SASH1: variants seen among roughly 807,000 people sequenced by gnomAD.
SASH1 encodes the protein SAM and SH3 domain containing 1.
A neutral mutation model predicts 125.2 loss-of-function variants in SASH1; 44 were observed. That is an observed-to-expected ratio of 0.35 (90% CI 0.28 to 0.45). The LOEUF (loss-of-function observed/expected upper bound fraction) is 0.45, where lower values mean the gene tolerates loss of function less well. Ranked by LOEUF, SASH1 falls within the 20% of genes least tolerant of loss-of-function variation. SASH1 has a pLI of 1.00. For synonymous variants in SASH1, 639 were observed against 649.1 expected, an observed-to-expected ratio of 0.98 and a Z score of 0.24; for missense variants, 1,426 against 1,614.5, an observed-to-expected ratio of 0.88 and a Z score of 2.00.
intron 16 of SASH1, among the ~76,000 whole-genome samples, chr6:148,535,236 C>T (rs570418214): frequency 3.3e-5 from 5 of 152,318 alleles, no homozygotes; most frequent in East Asian, 3.9e-4. Context: ...GCCACCTTTC[C>T]GGGCATGTTT....
intron 7 of SASH1, among the ~76,000 whole-genome samples, chr6:148,486,335 G>A (rs1043037665): frequency 2.0e-5 from 3 of 152,094 alleles, no homozygotes; most frequent in Non-Finnish European, 4.4e-5. Context: ...TGGCCAGGCT[G>A]GTCTCGAACT....
chr6:148,394,738 GGGTT>G (rs1783877016), intron 2 of SASH1, among the ~76,000 whole-genome samples: 15 of 152,186 alleles, frequency 9.9e-5, no homozygotes, highest in African/African-American at 3.1e-4. Flanking sequence ...TCTGCCTCCT[GGGTT>G]CAAGCGATTC....
chr6:148,323,203 T>G (rs1780699654), intron 1 of SASH1, among the ~76,000 whole-genome samples: 1 of 151,966 alleles, frequency 6.6e-6, no homozygotes, highest in Non-Finnish European at 1.5e-5. Flanking sequence ...AGAGGTGGAG[T>G]TTCGCCGCAT....
chr6:148,481,646 A>G (rs921216865), intron 7 of SASH1, among the ~76,000 whole-genome samples: 1 of 152,138 alleles, frequency 6.6e-6, no homozygotes, highest in African/African-American at 2.4e-5. Flanking sequence ...GAGAGATGGG[A>G]GAATGGCCGG....
chr6:148,525,478 C>T, intron 11 of SASH1, 113 bp downstream of exon 11: 2 of 879,670 alleles, frequency 2.3e-6, no homozygotes, highest in South Asian at 2.9e-5. Context: ...CCTTGGTAAT[C>T]CTGAGTCACG....
At chr6:148,225,100 T>C in the SASH1 span, among the ~76,000 whole-genome samples, 1 of 152,156 alleles carries the variant, frequency 6.6e-6, no homozygotes, top group South Asian at 2.1e-4. Context: ...GAGGAGCCCC[T>C]GGTTATGGGT....
chr6:148,385,371 CTGAAG>C (rs1413531562), intron 1 of SASH1, among the ~76,000 whole-genome samples: 1 of 152,186 alleles, frequency 6.6e-6, no homozygotes, highest in African/African-American at 2.4e-5. Context: ...AAAAACAGAA[CTGAAG>C]TGAAGAGTTG....
At chr6:148,206,472 C>T in the SASH1 span, among the ~76,000 whole-genome samples, 1 of 152,120 alleles carries the variant, frequency 6.6e-6, no homozygotes, top group South Asian at 2.1e-4. Flanking sequence ...ATATAACTTG[C>T]CATAAATAGA....
intron 2 of SASH1, among the ~76,000 whole-genome samples, chr6:148,413,779 C>G (rs62432286): frequency 0.041 from 6,305 of 152,228 alleles, 209 homozygotes; most frequent in South Asian, 0.17. Context: ...TCTCCCCTTA[C>G]CCCTCTCCCA....
chr6:148,542,851 AGTGTGTGTGTGTGT>A (rs56094441), intron 17 of SASH1, among the ~76,000 whole-genome samples: 1 of 149,276 alleles, frequency 6.7e-6, no homozygotes, highest in African/African-American at 2.5e-5. Flanking sequence ...AACAAGGGAC[AGTGTGTGTGTGTGT>A]GTGTGTGTGT....
chr6:148,496,959 A>C (rs1779340472), intron 8 of SASH1, among the ~76,000 whole-genome samples: 1 of 152,164 alleles, frequency 6.6e-6, no homozygotes, highest in African/African-American at 2.4e-5. Context: ...TGAGACCTTC[A>C]TATGATTATT....
Position 148,490,269 on chromosome 6 carries a change from C to T in SASH1, c.729+2554C>T, listed in dbSNP as rs534578667. 6.1e-4 allele frequency among the ~76,000 whole-genome samples: 93 copies of T among 151,610 alleles called. No homozygotes were observed. In the South Asian group the frequency reaches 0.013, roughly 21 times the overall value. On this transcript the variant is annotated intron_variant, in intron 8 of 19. Coordinates refer to ENST00000367467, the MANE Select transcript of SASH1 (RefSeq NM_015278.5). ...TGTCACCCAGGCTGGAGTACAGTGGCGCGATCTCAGCTCACTGCAACCTCC... is the reference window on the plus strand; with the variant it reads ...TGTCACCCAGGCTGGAGTACAGTGGTGCGATCTCAGCTCACTGCAACCTCC...
intron 16 of SASH1, among the ~76,000 whole-genome samples, chr6:148,537,836 G>GTGTGTGTGTGT (rs1174142522): frequency 1.4e-5 from 2 of 146,716 alleles, no homozygotes; most frequent in East Asian, 2.1e-4. Context: ...GTGTGTGGTT[G>GTGTGTGTGTGT]GTGAGGCTGG....
Position 148,532,875 on chromosome 6 carries a change from A to G in SASH1, c.1643A>G (p.Glu548Gly). Residue 548 changes from glutamate (E) to glycine (G), a missense_variant, in exon 14 of 20, where the codon GAG (glutamate) becomes GGG (glycine). This residue lies in a region of SASH1 where 225 missense variants were observed against 344.5 expected (regional missense o/e 0.65). Transcript: ENST00000367467. This position sits in a 1 kb window ranked among gnomAD's most constrained non-coding sequence, Gnocchi z 4.7. ...SVKSEDGDDE[E>G]PPYRGPFCGR... ...AAGTCGGAAGATGGGGATGACGAAG[A>G]GCCGCCTTACCGAGGCCCGTTCTGC... 6.2e-7 allele frequency: 1 copy of G among 1,614,220 alleles called. No individual in the cohort carries two copies. The highest frequency in any genetic ancestry group is 1.6e-4 in the Middle Eastern group (1 of 6,062).
chr6:148,361,505 G>A (rs1391024701), intron 1 of SASH1, among the ~76,000 whole-genome samples: 1 of 152,082 alleles, frequency 6.6e-6, no homozygotes, highest in Non-Finnish European at 1.5e-5. Flanking sequence ...GGGAGGCCGA[G>A]GCCGGAGAAT....
intron 4 of SASH1, among the ~76,000 whole-genome samples, chr6:148,443,844 C>T (rs1021965069): frequency 2.6e-5 from 4 of 152,104 alleles, no homozygotes; most frequent in Admixed American, 6.5e-5. Context: ...CTCACTATTC[C>T]CTTACATCAA....
At chr6:148,409,843 C>A (rs1290507329) in intron 2 of SASH1, among the ~76,000 whole-genome samples, 1 of 151,856 alleles carries the variant, frequency 6.6e-6, no homozygotes, top group African/African-American at 2.4e-5. Context: ...CTGAGTCAGG[C>A]AAATCGCTTG....
intron 1 of SASH1, among the ~76,000 whole-genome samples, chr6:148,307,842 A>G (rs1780185411): frequency 6.6e-6 from 1 of 152,186 alleles, no homozygotes; most frequent in South Asian, 2.1e-4. Context: ...TGACTTTTCC[A>G]GTAATATTTG....
intron 4 of SASH1, among the ~76,000 whole-genome samples, chr6:148,451,799 CTG>C (rs926773199): frequency 5.3e-4 from 81 of 152,326 alleles, no homozygotes; most frequent in African/African-American, 1.9e-3. Flanking sequence ...CTGATGAGGT[CTG>C]TGAGTTTGCT....
Sources: allele counts gnomAD v4.1 joint callset (sites outside exome capture counted in the v4.1 genomes callset), GRCh38; gene constraint gnomAD v4.1.1; regional missense constraint gnomAD v4.1.1; non-coding constraint Gnocchi (gnomAD v3.1); transcripts MANE v1.5; gene names NCBI Gene and HGNC (gene_info 2026-07-23, HGNC 2026-07-21).